Variants in CDK14 observed in about 807,000 individuals in gnomAD.
The protein encoded by CDK14 is cyclin-dependent kinase 14.
A neutral mutation model predicts 60.7 loss-of-function variants in CDK14; 34 were observed. The observed-to-expected ratio is 0.56, with a 90% CI of 0.43 to 0.75. The LOEUF (loss-of-function observed/expected upper bound fraction) is 0.75, where lower values mean the gene tolerates loss of function less well. Among genes scored for constraint, CDK14 ranks in the 30% least tolerant of loss-of-function variants. CDK14 has a pLI of 0.00. For synonymous variants in CDK14, 197 were observed against 203.7 expected, an observed-to-expected ratio of 0.97 and a Z score of 0.28; for missense variants, 482 against 564.1, an observed-to-expected ratio of 0.85 and a Z score of 1.47.
intron 10 of CDK14, among the ~76,000 whole-genome samples, chr7:91,040,680 T>G (rs572911466): frequency 6.6e-6 from 1 of 152,330 alleles, no homozygotes; most frequent in African/African-American, 2.4e-5. Context: ...GCCAGTTTTG[T>G]GTCCCATAGG....
intron 11 of CDK14, among the ~76,000 whole-genome samples, chr7:91,066,673 T>G (rs1797990596): frequency 6.6e-6 from 1 of 152,236 alleles, no homozygotes; most frequent in Non-Finnish European, 1.5e-5. Context: ...AGGTGTAGCT[T>G]TTTTAAGCCA....
rs575758001 is a variant in CDK14 at position 90,889,372 on chromosome 7, T to G, written c.640-9919T>G. On this transcript the variant is annotated intron_variant, in intron 6 of 14. Transcript: ENST00000380050. ...AGTTTTTTGTTTTAATGGAAGGGAT[T>G]TTTCAGGTTGCTGGTTTACATGATG... 1.4e-4 allele frequency among the ~76,000 whole-genome samples: 22 copies of G among 152,298 alleles called. No individual in the cohort carries two copies. In the East Asian group the frequency reaches 4.0e-3, roughly 28 times the overall value.
At chr7:90,987,985 A>C (rs949092201) in intron 10 of CDK14, among the ~76,000 whole-genome samples, 1 of 152,176 alleles carries the variant, frequency 6.6e-6, no homozygotes, top group Admixed American at 6.6e-5. Context: ...TGAACTGTAC[A>C]TAGAAAGGTA....
At chr7:90,641,816 T>C (rs1800343993) in intron 2 of CDK14, among the ~76,000 whole-genome samples, 1 of 152,182 alleles carries the variant, frequency 6.6e-6, no homozygotes, top group Admixed American at 6.5e-5. Context: ...TACCCTAGAC[T>C]GGGCAATTTA....
At chr7:90,751,576 A>G (rs920330415) in intron 4 of CDK14, among the ~76,000 whole-genome samples, 13 of 152,224 alleles carry the variant, frequency 8.5e-5, no homozygotes, top group African/African-American at 3.1e-4. Context: ...ACACATAAGT[A>G]CATGGCCCAC....
At chr7:91,180,435 T>C (rs2666022) in intron 14 of CDK14, among the ~76,000 whole-genome samples, 146,847 of 152,318 alleles carry the variant, frequency 0.96, 70,809 homozygotes, top group East Asian at 1. Context: ...AAAACAGCTA[T>C]GTATAGTACA....
At chr7:91,030,492 A>G (rs1796730664) in intron 10 of CDK14, among the ~76,000 whole-genome samples, 1 of 152,120 alleles carries the variant, frequency 6.6e-6, no homozygotes, top group South Asian at 2.1e-4. Flanking sequence ...ACAAAAACAC[A>G]GAGGAGGTGG....
chr7:90,829,700 T>G (rs906259813), intron 5 of CDK14, among the ~76,000 whole-genome samples: 1 of 152,092 alleles, frequency 6.6e-6, no homozygotes, highest in Admixed American at 6.5e-5. Context: ...AACCGGCTAA[T>G]TTTTGTATTT....
chr7:90,671,796 C>T (rs1259642765), intron 2 of CDK14, among the ~76,000 whole-genome samples: 1 of 152,146 alleles, frequency 6.6e-6, no homozygotes, highest in African/African-American at 2.4e-5. Flanking sequence ...AACAAACAAG[C>T]AGTTCCTTCA....
chr7:90,735,963 G>A (rs1002263777), intron 3 of CDK14, among the ~76,000 whole-genome samples: 8 of 152,178 alleles, frequency 5.3e-5, no homozygotes, highest in Non-Finnish European at 1.2e-4. Flanking sequence ...CCTAGGCACC[G>A]GCGGGAATCT....
At chr7:90,801,489 A>G (rs1408845522) in intron 5 of CDK14, among the ~76,000 whole-genome samples, 3 of 152,314 alleles carry the variant, frequency 2.0e-5, no homozygotes, top group South Asian at 4.1e-4. Flanking sequence ...TGATTGAGAC[A>G]TTGGTAGTTA....
chr7:90,596,845 C>G, intron 1 of CDK14, 127 bp downstream of exon 1: 2 of 761,178 alleles, frequency 2.6e-6, no homozygotes, highest in Non-Finnish European at 4.4e-6. Flanking sequence ...AGGCGGGGAT[C>G]GAGGGCACAG....
intron 2 of CDK14, among the ~76,000 whole-genome samples, chr7:90,651,663 A>G (rs949237274): frequency 2.2e-4 from 33 of 151,656 alleles, no homozygotes; most frequent in African/African-American, 6.0e-4. Context: ...TTTGTAGTTA[A>G]TTTTTCTTTC....
At chr7:90,906,914 C>T (rs1792726474) in intron 7 of CDK14, among the ~76,000 whole-genome samples, 1 of 152,014 alleles carries the variant, frequency 6.6e-6, no homozygotes, top group Admixed American at 6.6e-5. Flanking sequence ...TTTTAAAAAG[C>T]CAGTGTTAAC....
chr7:90,698,340 A>G (rs1801709893), intron 2 of CDK14, among the ~76,000 whole-genome samples: 1 of 152,150 alleles, frequency 6.6e-6, no homozygotes, highest in African/African-American at 2.4e-5. Flanking sequence ...ATTAAAATAC[A>G]GTTTCTTGGT....
intron 2 of CDK14, among the ~76,000 whole-genome samples, chr7:90,607,061 CAT>C (rs947987990): frequency 2.0e-5 from 3 of 152,172 alleles, no homozygotes; most frequent in African/African-American, 4.8e-5. Context: ...ACATCTTACA[CAT>C]GAGGTGAAAC....
intron 14 of CDK14, among the ~76,000 whole-genome samples, chr7:91,167,185 C>T (rs1801371857): frequency 1.3e-5 from 2 of 152,200 alleles, no homozygotes; most frequent in South Asian, 4.1e-4. Context: ...TGTCACCGAA[C>T]AACACACAGA....
intron 14 of CDK14, among the ~76,000 whole-genome samples, chr7:91,179,528 C>T (rs116497406): frequency 0.041 from 6,259 of 150,858 alleles, 422 homozygotes; most frequent in African/African-American, 0.14. Flanking sequence ...TGCAGCCCGG[C>T]GCAGTGACTC....
At chr7:91,093,284 C>T (rs1319964521) in intron 12 of CDK14, among the ~76,000 whole-genome samples, 1 of 152,136 alleles carries the variant, frequency 6.6e-6, no homozygotes, top group African/African-American at 2.4e-5. Flanking sequence ...TCAATCTGGA[C>T]CTGAGGCCAG....
Sources: allele counts gnomAD v4.1 joint callset (sites outside exome capture counted in the v4.1 genomes callset), GRCh38; gene constraint gnomAD v4.1.1; transcripts MANE v1.5; gene names NCBI Gene and HGNC (gene_info 2026-07-23, HGNC 2026-07-21).